Variants in ERC1 observed in about 807,000 individuals in gnomAD.
ERC1 encodes the protein RAB6 interacting protein 2.
ERC1 carries 56 observed loss-of-function variants against 132.0 expected under a neutral mutation model. The ratio of observed to expected loss-of-function variants is 0.42; its 90% confidence interval spans 0.34 to 0.53. ERC1 has a LOEUF of 0.53. Ranked by LOEUF, ERC1 falls within the 20% of genes least tolerant of loss-of-function variation. ERC1 has a pLI of 0.03. For missense variants in ERC1, 1,202 were observed against 1,349.9 expected, an observed-to-expected ratio of 0.89 and a Z score of 1.72; for synonymous variants, 478 against 476.1, an observed-to-expected ratio of 1.00 and a Z score of -0.05.
chr12:1,418,469 C>T (rs545369841), intron 17 of ERC1, among the ~76,000 whole-genome samples: 26 of 152,220 alleles, frequency 1.7e-4, no homozygotes, highest in Non-Finnish European at 2.9e-4. Flanking sequence ...CAGTTTATTA[C>T]TGTTATTAGA....
At position 1,453,475 on chromosome 12, in the gene ERC1, C is replaced by A. The variant is rs186492769; in HGVS notation, c.3213+8725C>A. Among the ~76,000 whole-genome samples, 319 of 152,260 alleles carry A rather than the reference C, an allele frequency of 2.1e-3. 1 individual carries two copies. The highest frequency in any genetic ancestry group is 3.4e-3 in the Middle Eastern group (1 of 294). ...AAATGTTGAGCATGGAAAATTTGGC[C>A]TTATGTCTTCTCACTTCCGGGCTTT... On this transcript the variant is annotated intron_variant, in intron 18 of 18. Coordinates refer to ENST00000360905, the MANE Select transcript of ERC1 (RefSeq NM_178040.4).
At chr12:1,154,217 GTATA>G (rs1356013292) in intron 8 of ERC1, among the ~76,000 whole-genome samples, 30 of 61,898 alleles carry the variant, frequency 4.8e-4, no homozygotes, top group African/African-American at 3.0e-3. Flanking sequence ...GTGTGTGTAT[GTATA>G]TGTATATGTA....
intron 2 of ERC1, among the ~76,000 whole-genome samples, chr12:1,076,530 G>A (rs192079501): frequency 4.2e-4 from 64 of 152,032 alleles, no homozygotes; most frequent in Middle Eastern, 3.4e-3. Flanking sequence ...GAGTAGCTGG[G>A]TTTACAGGCG....
intron 15 of ERC1, among the ~76,000 whole-genome samples, chr12:1,349,054 T>C (rs1404856785): frequency 6.6e-6 from 1 of 152,200 alleles, no homozygotes; most frequent in Non-Finnish European, 1.5e-5. Context: ...TAAAGGAATG[T>C]AGTAATGCAC....
At chr12:1,183,571 A>G in intron 11 of ERC1, 150 bp downstream of exon 11, 2 of 460,114 alleles carry the variant, frequency 4.3e-6, no homozygotes, top group Non-Finnish European at 7.6e-6. Flanking sequence ...TTATCTTAGC[A>G]TTCTTATCCT....
At chr12:1,103,946 A>T (rs909376273) in intron 3 of ERC1, among the ~76,000 whole-genome samples, 3 of 152,130 alleles carry the variant, frequency 2.0e-5, no homozygotes, top group African/African-American at 4.8e-5. Flanking sequence ...AGCAGAAAGC[A>T]TTCATCTCTG....
chr12:1,331,411 C>G (rs917879156), intron 15 of ERC1, among the ~76,000 whole-genome samples: 2 of 152,174 alleles, frequency 1.3e-5, no homozygotes, highest in African/African-American at 4.8e-5. Flanking sequence ...TATCCATCTA[C>G]TTACTTATTC....
chr12:1,167,931 C>T (rs12301153), intron 8 of ERC1, among the ~76,000 whole-genome samples: 64,817 of 151,572 alleles, frequency 0.43, 16,248 homozygotes, highest in African/African-American at 0.69. Context: ...GGCCAGGATG[C>T]TCTCGATCTC....
intron 15 of ERC1, among the ~76,000 whole-genome samples, chr12:1,368,886 A>T (rs2086908158): frequency 6.6e-6 from 1 of 152,194 alleles, no homozygotes; most frequent in Admixed American, 6.5e-5. Context: ...TTGACTATGA[A>T]TTGCCCTTCT....
At chr12:996,835 A>C (rs1354920623) in intron 1 of ERC1, among the ~76,000 whole-genome samples, 1 of 152,216 alleles carries the variant, frequency 6.6e-6, no homozygotes, top group East Asian at 1.9e-4. Flanking sequence ...TAGCCAGTGA[A>C]ATTTTGTGTA....
At chr12:1,445,222 A>ATTT (rs137864873) in intron 18 of ERC1, among the ~76,000 whole-genome samples, 920 of 90,716 alleles carry the variant, frequency 0.01, 55 homozygotes, top group African/African-American at 0.039. Context: ...TGTACAGTAG[A>ATTT]TTTTTTTTTT....
intron 8 of ERC1, among the ~76,000 whole-genome samples, chr12:1,172,763 A>G (rs1593940786): frequency 8.2e-6 from 1 of 122,612 alleles, no homozygotes. Flanking sequence ...TTATTTTATT[A>G]ATTTTCAATT....
chr12:1,133,519 C>G (rs538660089), intron 7 of ERC1, among the ~76,000 whole-genome samples: 18 of 152,228 alleles, frequency 1.2e-4, no homozygotes, highest in African/African-American at 4.3e-4. Context: ...GGTTCTTTGG[C>G]ATCTTGAGCA....
chr12:1,328,632 C>A (rs896823252), intron 15 of ERC1, among the ~76,000 whole-genome samples: 1 of 138,406 alleles, frequency 7.2e-6, no homozygotes. Flanking sequence ...CTTTCGCTTC[C>A]CCCTCTTGCC....
At chr12:1,292,562 A>G (rs1298091846) in intron 15 of ERC1, among the ~76,000 whole-genome samples, 1 of 152,206 alleles carries the variant, frequency 6.6e-6, no homozygotes, top group Non-Finnish European at 1.5e-5. Context: ...GTGTTAAATT[A>G]TATACTCATG....
At chr12:1,277,938 C>A (rs1348037742) in intron 14 of ERC1, among the ~76,000 whole-genome samples, 8 of 152,186 alleles carry the variant, frequency 5.3e-5, no homozygotes, top group Non-Finnish European at 1.0e-4. Context: ...GTCTTTCAAT[C>A]AAATTCTGTC....
chr12:1,367,108 T>G (rs866531368), intron 15 of ERC1, among the ~76,000 whole-genome samples: 1 of 152,206 alleles, frequency 6.6e-6, no homozygotes, highest in Admixed American at 6.5e-5. Context: ...GGAAAAGAGA[T>G]AGAAGAGTAG....
chr12:1,450,008 G>A (rs1209048364), intron 18 of ERC1, among the ~76,000 whole-genome samples: 2 of 151,806 alleles, frequency 1.3e-5, no homozygotes, highest in African/African-American at 4.8e-5. Context: ...TACCACTTCA[G>A]GTATAGTATT....
intron 2 of ERC1, among the ~76,000 whole-genome samples, chr12:1,054,395 T>C (rs1399293463): frequency 6.6e-6 from 1 of 152,098 alleles, no homozygotes; most frequent in Non-Finnish European, 1.5e-5. Flanking sequence ...ATTTTTGTTT[T>C]AACATACTTA....
Sources: gnomAD v4.1 joint callset for allele counts (sites outside exome capture counted in the v4.1 genomes callset) on GRCh38, gnomAD v4.1.1 for gene constraint, MANE v1.5 for transcripts, NCBI Gene and HGNC (gene_info 2026-07-23, HGNC 2026-07-21) for gene names.